Variants in POLR3C observed in about 807,000 individuals in gnomAD.
POLR3C encodes RNA polymerase III subunit C.
POLR3C carries 44 observed loss-of-function variants against 65.9 expected under a neutral mutation model. That is an observed-to-expected ratio of 0.67 (90% CI 0.52 to 0.86). POLR3C has a LOEUF of 0.86. Among genes scored for constraint, POLR3C ranks in the 40% least tolerant of loss-of-function variants. The probability of loss-of-function intolerance (pLI) is 0.00; values close to 1 mark genes in which losing one functional copy is unlikely to be tolerated. For synonymous variants in POLR3C, 263 were observed against 231.6 expected (o/e 1.14, Z -1.23); for missense variants, 576 against 653.2 (o/e 0.88, Z 1.29).
In POLR3C at chr1:145,824,602, T is replaced by C. The variant is rs1261710847; in HGVS notation, c.-21+233T>C. ...ACGGGGAGGCAAAGACTTGGCTTCT[T>C]AGGAATTGGAAGAAATAAGTAAACA... On this transcript the variant is annotated intron_variant, in intron 1 of 14. Transcript: ENST00000334163. The C allele has an allele frequency of 1.3e-5, 14 of 1,062,914 alleles. No individual in the cohort carries two copies. The East Asian group carries it at 6.4e-4, about 49-fold the overall frequency. 65.8% of individuals were successfully genotyped at this position (1,062,914 alleles called of 1,614,324 possible).
Position 145,843,526 on chromosome 1 carries a change from C to G in POLR3C, c.*1106C>G, listed in dbSNP as rs756192240. ...TCTCTGCCCTCAAGCCAGTCACCAT[C>G]ATTTACTAAGCACCTGTTTTGTGCT... On this transcript the variant is annotated 3_prime_UTR_variant, in exon 15 of 15. Transcript: ENST00000334163. Among the ~76,000 whole-genome samples, 2 of 152,114 alleles carry G rather than the reference C, an allele frequency of 1.3e-5. No homozygotes were observed. Among genetic ancestry groups the G allele is most frequent in the Non-Finnish European group, 2.9e-5 (2 of 67,986 alleles).
At chr1:145,832,434 A>G (rs1651414521) in intron 5 of POLR3C, among the ~76,000 whole-genome samples, 1 of 152,212 alleles carries the variant, frequency 6.6e-6, no homozygotes, top group Non-Finnish European at 1.5e-5. Context: ...TGAAGATGTT[A>G]GAGGACAGGG....
chr1:145,825,939 A>T lies in POLR3C; in HGVS notation c.147+16A>T. On this transcript the variant is annotated intron_variant, in intron 2 of 14. Transcript: ENST00000334163. ...ACTGGATCAGGTATGTCTAAATGAC[A>T]TTCATTTTCTCTCATTTCTTTCACT... is the stretch of plus-strand genomic sequence containing the variant. The T allele has an allele frequency of 6.3e-7, 1 of 1,581,450 alleles. No individual in the cohort carries two copies. The highest frequency in any genetic ancestry group is 8.7e-7 in the Non-Finnish European group (1 of 1,153,492).
rs1553725652 is a variant in POLR3C, at chr1:145,825,924, G to A, written c.147+1G>A. The A allele has an allele frequency of 6.2e-6, 10 of 1,606,354 alleles. No individual in the cohort carries two copies. On this transcript the variant is annotated splice_donor_variant, in intron 2 of 14. Transcript: ENST00000334163. LOFTEE classifies it high-confidence loss of function. ...TGACACAGGAACATCACTGGATCAG[G>A]TATGTCTAAATGACATTCATTTTCT...
chr1:145,825,621 A>G (rs1559140026), intron 1 of POLR3C, 136 bp from the exon 2 acceptor site: 2 of 525,546 alleles, frequency 3.8e-6, no homozygotes, highest in South Asian at 3.3e-5. Context: ...TGTTTCAAAG[A>G]TATGCAAGAT....
At chr1:145,839,594 A>G in intron 11 of POLR3C, 2 of 275,668 alleles carry the variant, frequency 7.3e-6, no homozygotes, top group Non-Finnish European at 1.4e-5. Context: ...TTAGCGGAGC[A>G]TGGTGGTGCA....
chr1:145,826,382 A>C, intron 2 of POLR3C, 72 bp from the exon 3 acceptor site: 1 of 1,437,954 alleles, frequency 7.0e-7, no homozygotes, highest in South Asian at 1.2e-5. Flanking sequence ...GCTGTTGGAC[A>C]AAAAATTGCC....
At chr1:145,834,557 C>G (rs1375326784) in intron 7 of POLR3C, among the ~76,000 whole-genome samples, 1 of 151,732 alleles carries the variant, frequency 6.6e-6, no homozygotes, top group African/African-American at 2.4e-5. Context: ...CGCCTGTGGT[C>G]CCAGCTACTC....
intron 5 of POLR3C, among the ~76,000 whole-genome samples, chr1:145,830,605 C>T (rs1651220975): frequency 6.6e-6 from 1 of 150,576 alleles, no homozygotes; most frequent in African/African-American, 2.5e-5. Context: ...TCGAGATGAG[C>T]CTGGTCAACA....
Position 145,840,926 on chromosome 1 carries a change from C to T in POLR3C, c.1378C>T (p.Leu460=). ...AGAGTTGTGTTTGTTTGACAGGCGT[C>T]TACTAGAAAAATCTCAGAGGGTAGA... ...RQFETKENKR[L]LEKSQRVEAI... Residue 460 remains leucine (L), a synonymous_variant, in exon 14 of 15, where the codon CTA becomes TTA. Coordinates refer to ENST00000334163, the MANE Select transcript of POLR3C (RefSeq NM_006468.8). 6.2e-7 allele frequency: 1 copy of T among 1,612,932 alleles called. No individual in the cohort carries two copies. Among genetic ancestry groups the T allele is most frequent in the East Asian group, 2.2e-5 (1 of 44,862 alleles).
intron 7 of POLR3C, among the ~76,000 whole-genome samples, chr1:145,834,806 G>A (rs1651665330): frequency 6.6e-6 from 1 of 152,116 alleles, no homozygotes; most frequent in Admixed American, 6.5e-5. Flanking sequence ...TATGGTGCAT[G>A]ACTGTGTTTA....
Position 145,844,153 on chromosome 1 carries a change from C to T in POLR3C, c.*1733C>T, listed in dbSNP as rs1333647801. 6.6e-6 allele frequency among the ~76,000 whole-genome samples: 1 copy of T among 152,186 alleles called. No homozygotes were observed. Among genetic ancestry groups the T allele is most frequent in the African/African-American group, 2.4e-5 (1 of 41,446 alleles). ...GAACTATGCTCCAGCAGTTCCACTA[C>T]TGGGTATATATATATCTCCAAAAGG... On this transcript the variant is annotated 3_prime_UTR_variant, in exon 15 of 15. Coordinates refer to ENST00000334163, the MANE Select transcript of POLR3C (RefSeq NM_006468.8).
Position 145,839,885 on chromosome 1 carries a change from A to T in POLR3C, c.1222-5A>T. The T allele has an allele frequency of 1.3e-6, 2 of 1,518,328 alleles. No homozygotes were observed. Among genetic ancestry groups the T allele is most frequent in the Non-Finnish European group, 1.8e-6 (2 of 1,092,852 alleles). 94.1% of individuals were successfully genotyped at this position (1,518,328 alleles called of 1,614,324 possible). On this transcript the variant is annotated splice_region_variant and splice_polypyrimidine_tract_variant and intron_variant, in intron 11 of 14. Transcript: ENST00000334163. ...CTGCTATTTTTCTTTCTATTGGACA[A>T]ATAGGAAATTCCCAAAACACCAGAC...
Position 145,826,539 on chromosome 1 carries a change from A to G in POLR3C, c.233A>G (p.Gln78Arg), listed in dbSNP as rs377694831. The G allele has an allele frequency of 8.8e-5, 142 of 1,613,866 alleles. No individual in the cohort carries two copies. The highest frequency in any genetic ancestry group is 1.1e-4 in the Non-Finnish European group (135 of 1,179,998). Residue 78 changes from glutamine (Q) to arginine (R), a missense_variant, in exon 3 of 15, where the codon CAG becomes CGG. Physicochemically the swap from Gln to Arg is conservative, Grantham distance 43. Coordinates refer to ENST00000334163, the MANE Select transcript of POLR3C (RefSeq NM_006468.8). ...CGTGGTGTGGTGGAGTATGAAGCCC[A>G]GTGCAGCCGGGTATTGCGAATGCTT... ...HKRGVVEYEA[Q>R]CSRVLRMLRY...
intron 13 of POLR3C, 53 bp downstream of exon 13, chr1:145,840,218 AG>A (rs1570752930): frequency 1.5e-5 from 18 of 1,166,414 alleles, no homozygotes; most frequent in Non-Finnish European, 2.2e-5. Flanking sequence ...CAAGGGCCTC[AG>A]GGGAAATTTC....
chr1:145,827,113 A>T, intron 4 of POLR3C, 108 bp downstream of exon 4: 1 of 916,242 alleles, frequency 1.1e-6, no homozygotes. Flanking sequence ...GCTATGTGCC[A>T]GACATCGTGG....
At chr1:145,837,633 T>A in intron 10 of POLR3C, 37 bp downstream of exon 10, 1 of 1,291,634 alleles carries the variant, frequency 7.7e-7, no homozygotes, top group Non-Finnish European at 1.1e-6. Flanking sequence ...GATCACATAC[T>A]TCCTATCCCC....
chr1:145,830,717 T>C (rs1651233991), intron 5 of POLR3C, among the ~76,000 whole-genome samples: 2 of 151,492 alleles, frequency 1.3e-5, no homozygotes, highest in Admixed American at 1.3e-4. Context: ...GATAATGGCC[T>C]GAACCTGGGA....
intron 5 of POLR3C, among the ~76,000 whole-genome samples, chr1:145,830,702 G>A (rs781855267): frequency 1.1e-4 from 16 of 151,910 alleles, no homozygotes; most frequent in Non-Finnish European, 1.9e-4. Flanking sequence ...GGGAGGCTGC[G>A]GCAGGATAAT....
Sources: allele counts gnomAD v4.1 joint callset (sites outside exome capture counted in the v4.1 genomes callset), GRCh38; gene constraint gnomAD v4.1.1; transcripts MANE v1.5; gene names NCBI Gene and HGNC (gene_info 2026-07-23, HGNC 2026-07-21).